The following TCF12 variants were observed in gnomAD, a reference collection of about 807,000 sequenced individuals.
TCF12 encodes the protein transcription factor 12.
TCF12 carries 45 observed loss-of-function variants against 86.0 expected under a neutral mutation model. The observed-to-expected ratio is 0.52, with a 90% CI of 0.41 to 0.67. The LOEUF is 0.67. TCF12 is among the 30% of genes least tolerant of loss of function. TCF12 has a pLI of 0.00. For synonymous variants in TCF12, 330 were observed against 299.6 expected, an observed-to-expected ratio of 1.10 and a Z score of -1.05; for missense variants, 881 against 859.9, an observed-to-expected ratio of 1.02 and a Z score of -0.31.
rs532689451 is a variant in TCF12, at chr15:57,084,823, A to T, written c.223-6966A>T. On this transcript the variant is annotated intron_variant, in intron 4 of 20. Coordinates refer to ENST00000333725, the MANE Select transcript of TCF12 (RefSeq NM_207037.2). ...ATTAAATGTATATTAAATGTATATTATGAAATTGTACATTAATGTGAATGT... is the reference window on the plus strand; with the variant it reads ...ATTAAATGTATATTAAATGTATATTTTGAAATTGTACATTAATGTGAATGT... Among the ~76,000 whole-genome samples the T allele has an allele frequency of 8.0e-4, 122 of 152,198 alleles. 1 individual carries two copies. Among genetic ancestry groups the T allele is most frequent in the African/African-American group, 2.7e-3 (111 of 41,558 alleles).
chr15:57,131,481 T>C (rs1382262521), intron 5 of TCF12, among the ~76,000 whole-genome samples: 1 of 152,198 alleles, frequency 6.6e-6, no homozygotes, highest in African/African-American at 2.4e-5. Flanking sequence ...AGCAAGCAAA[T>C]TTTAAGTCCA....
intron 3 of TCF12, among the ~76,000 whole-genome samples, chr15:56,977,586 G>C (rs941229727): frequency 2.6e-4 from 39 of 147,838 alleles, no homozygotes; most frequent in East Asian, 4.0e-4. Flanking sequence ...GAGAGAGAGA[G>C]ACACACACAC....
intron 5 of TCF12, among the ~76,000 whole-genome samples, chr15:57,152,672 G>GA (rs750644114): frequency 9.9e-5 from 15 of 151,694 alleles, no homozygotes; most frequent in South Asian, 2.1e-4. Context: ...GAAAAAAAAT[G>GA]AAAAAAGATC....
intron 4 of TCF12, among the ~76,000 whole-genome samples, chr15:57,082,378 T>G (rs541560732): frequency 6.7e-6 from 1 of 149,952 alleles, no homozygotes; most frequent in Non-Finnish European, 1.5e-5. Context: ...TCTTGCAGAT[T>G]TTAATCTATT....
intron 8 of TCF12, among the ~76,000 whole-genome samples, chr15:57,200,087 G>A (rs2057464785): frequency 6.9e-6 from 1 of 144,676 alleles, no homozygotes; most frequent in Non-Finnish European, 1.5e-5. Context: ...TCTCTGTCCA[G>A]GCCAGGATGG....
At chr15:57,242,598 G>T (rs2059683668) in intron 12 of TCF12, among the ~76,000 whole-genome samples, 1 of 152,290 alleles carries the variant, frequency 6.6e-6, no homozygotes, top group African/African-American at 2.4e-5. Flanking sequence ...ACCTGGCGGG[G>T]TGGAGGTTGC....
chr15:56,983,270 T>TA (rs2062984762), intron 3 of TCF12, among the ~76,000 whole-genome samples: 1 of 152,208 alleles, frequency 6.6e-6, no homozygotes, highest in South Asian at 2.1e-4. Context: ...TGGTAACTAT[T>TA]AGAGAGAGAA....
chr15:57,237,984 C>G, intron 12 of TCF12, among the ~76,000 whole-genome samples: 1 of 152,034 alleles, frequency 6.6e-6, no homozygotes, highest in East Asian at 1.9e-4. Context: ...TTTAAAAAGT[C>G]CTGTAACTTA....
At chr15:57,087,421 A>AT (rs1351349278) in intron 4 of TCF12, among the ~76,000 whole-genome samples, 22 of 148,386 alleles carry the variant, frequency 1.5e-4, no homozygotes, top group Admixed American at 1.5e-3. Context: ...CAAAAAAAAA[A>AT]AAAAAATTTA....
At chr15:56,960,953 A>C (rs2061721613) in intron 3 of TCF12, among the ~76,000 whole-genome samples, 1 of 151,816 alleles carries the variant, frequency 6.6e-6, no homozygotes. Context: ...CAGCCTGGCC[A>C]ACCTGGTGAA....
chr15:57,086,430 A>G (rs76737744), intron 4 of TCF12, among the ~76,000 whole-genome samples: 2,071 of 152,024 alleles, frequency 0.014, 54 homozygotes, highest in African/African-American at 0.043. Flanking sequence ...CATAGCTTGT[A>G]TGTACCAAAG....
rs544407795 is a variant in TCF12, at chr15:57,139,756, A to G, written c.326-26646A>G. On this transcript the variant is annotated intron_variant, in intron 5 of 20. Coordinates refer to ENST00000333725, the MANE Select transcript of TCF12 (RefSeq NM_207037.2). ...GGCTAGGAATATTAAAGCATTTGCT[A>G]TGACACTCAAGAAAAAAGTAATAGT... Among the ~76,000 whole-genome samples, 27 of 152,294 alleles carry G rather than the reference A, an allele frequency of 1.8e-4. No individual in the cohort carries two copies. The East Asian group carries it at 3.9e-3, about 22-fold the overall frequency.
chr15:57,247,800 A>G (rs2059932134), intron 13 of TCF12: 1 of 751,176 alleles, frequency 1.3e-6, no homozygotes, highest in Admixed American at 1.7e-5. Context: ...TCAACACAAG[A>G]GTAAGTCACA....
At chr15:57,215,048 T>C (rs1207873719) in intron 8 of TCF12, among the ~76,000 whole-genome samples, 1 of 152,204 alleles carries the variant, frequency 6.6e-6, no homozygotes, top group African/African-American at 2.4e-5. Flanking sequence ...TGGAGTTTTA[T>C]ATTCTTGATT....
At chr15:57,176,967 C>T (rs756703627) in intron 6 of TCF12, among the ~76,000 whole-genome samples, 4 of 151,952 alleles carry the variant, frequency 2.6e-5, no homozygotes, top group South Asian at 2.1e-4. Flanking sequence ...GTTGGAGTCA[C>T]GAAGATTAAG....
At chr15:57,229,600 A>G (rs1392375988) in intron 8 of TCF12, among the ~76,000 whole-genome samples, 15 of 152,066 alleles carry the variant, frequency 9.9e-5, no homozygotes, top group Admixed American at 5.9e-4. Context: ...AACTGTATAT[A>G]TAACTAAGCT....
At chr15:57,151,862 T>C (rs1728122314) in intron 5 of TCF12, among the ~76,000 whole-genome samples, 1 of 152,042 alleles carries the variant, frequency 6.6e-6, no homozygotes, top group Admixed American at 6.5e-5. Context: ...GTACTGAGGC[T>C]GAACTAAAAC....
intron 3 of TCF12, among the ~76,000 whole-genome samples, chr15:56,983,690 C>T (rs2063005266): frequency 6.6e-6 from 1 of 151,876 alleles, no homozygotes; most frequent in South Asian, 2.1e-4. Flanking sequence ...GTCTTTAGAA[C>T]TTTGTGGATT....
At chr15:57,039,261 TA>T (rs2066730402) in intron 3 of TCF12, among the ~76,000 whole-genome samples, 1 of 152,228 alleles carries the variant, frequency 6.6e-6, no homozygotes, top group Non-Finnish European at 1.5e-5. Context: ...GAGAGGTCAT[TA>T]CCTGATGTCT....
Sources: allele counts gnomAD v4.1 joint callset (sites outside exome capture counted in the v4.1 genomes callset), GRCh38; gene constraint gnomAD v4.1.1; transcripts MANE v1.5; gene names NCBI Gene and HGNC (gene_info 2026-07-23, HGNC 2026-07-21).